TSPAN15: variants seen among roughly 807,000 people sequenced by gnomAD.
TSPAN15 encodes tetraspanin-15.
A neutral mutation model predicts 34.5 loss-of-function variants in TSPAN15; 20 were observed. That is an observed-to-expected ratio of 0.58 (90% CI 0.41 to 0.84). The LOEUF (loss-of-function observed/expected upper bound fraction) is 0.84, where lower values mean the gene tolerates loss of function less well. Ranked by LOEUF, TSPAN15 falls within the 40% of genes least tolerant of loss-of-function variation. TSPAN15 has a pLI of 0.00. For synonymous variants in TSPAN15, 155 were observed against 153.9 expected, an observed-to-expected ratio of 1.01 and a Z score of -0.05; for missense variants, 313 against 386.1, an observed-to-expected ratio of 0.81 and a Z score of 1.59.
At chr10:69,490,296 A>C (rs1275900028) in intron 3 of TSPAN15, among the ~76,000 whole-genome samples, 1 of 152,226 alleles carries the variant, frequency 6.6e-6, no homozygotes, top group Admixed American at 6.5e-5. Context: ...GATTGGTTCC[A>C]GAACATGCCC....
the TSPAN15 span, among the ~76,000 whole-genome samples, chr10:69,539,946 G>T: frequency 6.0e-5 from 9 of 149,916 alleles, no homozygotes; most frequent in Non-Finnish European, 1.2e-4. Context: ...GCAGGGGGAT[G>T]CTGGAAAATG....
At chr10:69,516,332 C>T in the TSPAN15 span, among the ~76,000 whole-genome samples, 4 of 152,230 alleles carry the variant, frequency 2.6e-5, no homozygotes, top group Admixed American at 2.0e-4. Context: ...TTGAACCACT[C>T]TGCCTGCATC....
At chr10:69,516,407 A>G in the TSPAN15 span, among the ~76,000 whole-genome samples, 1 of 152,194 alleles carries the variant, frequency 6.6e-6, no homozygotes, top group Non-Finnish European at 1.5e-5. Flanking sequence ...TCTGAGGTGA[A>G]GTGCCCCAGC....
At chr10:69,490,907 G>A (rs1276195556) in intron 3 of TSPAN15, among the ~76,000 whole-genome samples, 2 of 152,178 alleles carry the variant, frequency 1.3e-5, no homozygotes, top group Non-Finnish European at 2.9e-5. Flanking sequence ...TACGGAACCC[G>A]TGGATGTGGA....
At chr10:69,462,628 C>G (rs1321479940) in intron 1 of TSPAN15, among the ~76,000 whole-genome samples, 2 of 152,240 alleles carry the variant, frequency 1.3e-5, no homozygotes, top group African/African-American at 4.8e-5. Flanking sequence ...AGCCACCGCG[C>G]CTGGCCCTAC....
At chr10:69,494,741 C>G in intron 3 of TSPAN15, 1 of 985,428 alleles carries the variant, frequency 1.0e-6, no homozygotes, top group Non-Finnish European at 1.2e-6. Context: ...TTCAGTCTGG[C>G]ACCGGAGCCG....
At chr10:69,462,422 C>T (rs1841288950) in intron 1 of TSPAN15, among the ~76,000 whole-genome samples, 1 of 152,092 alleles carries the variant, frequency 6.6e-6, no homozygotes, top group South Asian at 2.1e-4. Flanking sequence ...GCAAACTCCG[C>T]CTCCCAGGTT....
the TSPAN15 span, among the ~76,000 whole-genome samples, chr10:69,534,631 A>G: frequency 6.6e-6 from 1 of 152,158 alleles, no homozygotes. Context: ...GTATGCCAGA[A>G]TTCTTGGCAT....
chr10:69,540,817 C>T, the TSPAN15 span, among the ~76,000 whole-genome samples: 2 of 151,306 alleles, frequency 1.3e-5, no homozygotes, highest in Admixed American at 1.3e-4. Context: ...AGCAGTGTGA[C>T]CAGGTGGGAG....
intron 3 of TSPAN15, among the ~76,000 whole-genome samples, chr10:69,485,994 G>T (rs1421916670): frequency 6.6e-6 from 1 of 152,218 alleles, no homozygotes; most frequent in Non-Finnish European, 1.5e-5. Flanking sequence ...AGCCAGAAAG[G>T]TTCTCGTGGC....
chr10:69,475,645 G>A (rs1472455856), intron 1 of TSPAN15, among the ~76,000 whole-genome samples: 1 of 152,144 alleles, frequency 6.6e-6, no homozygotes, highest in Non-Finnish European at 1.5e-5. Context: ...TCCCAGCCTA[G>A]CTCCTTCACA....
the TSPAN15 span, among the ~76,000 whole-genome samples, chr10:69,545,845 A>G: frequency 1.3e-5 from 2 of 152,018 alleles, no homozygotes; most frequent in East Asian, 1.9e-4. Flanking sequence ...AATCCCAGCT[A>G]CTCGGGAGGC....
Position 69,455,622 on chromosome 10 carries a change from CT to C in TSPAN15, c.96+3933del, listed in dbSNP as rs1564595657. 6.3e-3 allele frequency among the ~76,000 whole-genome samples: 574 copies of C among 90,622 alleles called. 26 individuals carry two copies. The highest frequency in any genetic ancestry group is 0.018 in the East Asian group (87 of 4,730). The allele number at this position is 90,622 out of a possible 152,430, so 59.5% of individuals were successfully genotyped here. ...TTTCTTTCTTTCTCTCTCTCTCTCTCTCTCCCCCCCCCGTCTCTTTCTTTCT... is the reference window on the plus strand; with the variant it reads ...TTTCTTTCTTTCTCTCTCTCTCTCTCCTCCCCCCCCCGTCTCTTTCTTTCT... On this transcript the variant is annotated intron_variant, in intron 1 of 7. Coordinates refer to ENST00000373290, the MANE Select transcript of TSPAN15 (RefSeq NM_012339.5).
chr10:69,517,751 C>T, the TSPAN15 span, among the ~76,000 whole-genome samples: 1 of 152,224 alleles, frequency 6.6e-6, no homozygotes, highest in Non-Finnish European at 1.5e-5. Flanking sequence ...CCCAATATCC[C>T]TGCCTTGGCT....
chr10:69,486,624 A>G (rs957851113), intron 3 of TSPAN15, among the ~76,000 whole-genome samples: 1 of 152,134 alleles, frequency 6.6e-6, no homozygotes, highest in Admixed American at 6.5e-5. Context: ...TCTTTTCAGC[A>G]GTTGCTCTTA....
intron 1 of TSPAN15, among the ~76,000 whole-genome samples, chr10:69,455,805 TCAGTATATA>T (rs1265500557): frequency 1.3e-5 from 2 of 151,936 alleles, no homozygotes; most frequent in African/African-American, 4.8e-5. Flanking sequence ...GCACCTGCCA[TCAGTATATA>T]CAGCTTGATG....
chr10:69,471,395 A>T (rs535827381), intron 1 of TSPAN15, among the ~76,000 whole-genome samples: 24 of 152,286 alleles, frequency 1.6e-4, no homozygotes, highest in African/African-American at 5.3e-4. Context: ...TGAGGAGCAG[A>T]TCTGAGAATC....
chr10:69,496,986 G>A (rs1450388849), intron 4 of TSPAN15, among the ~76,000 whole-genome samples: 4 of 152,194 alleles, frequency 2.6e-5, no homozygotes, highest in Non-Finnish European at 5.9e-5. Flanking sequence ...GTCCAGTGCT[G>A]AGTGCTTCAT....
At chr10:69,456,795 C>T (rs12262630) in intron 1 of TSPAN15, among the ~76,000 whole-genome samples, 2,577 of 152,308 alleles carry the variant, frequency 0.017, 78 homozygotes, top group African/African-American at 0.059. Flanking sequence ...GAGGAAAGCT[C>T]AGTCTGTAAG....
Sources: gnomAD v4.1 joint callset for allele counts (sites outside exome capture counted in the v4.1 genomes callset) on GRCh38, gnomAD v4.1.1 for gene constraint, MANE v1.5 for transcripts, NCBI Gene and HGNC (gene_info 2026-07-23, HGNC 2026-07-21) for gene names.